BRINP1: variants seen among roughly 807,000 people sequenced by gnomAD.
The protein encoded by BRINP1 is BMP/retinoic acid inducible neural specific 1, also known as BMP/retinoic acid-inducible neural-specific protein 1.
BRINP1 carries 17 observed loss-of-function variants against 72.9 expected under a neutral mutation model. The ratio of observed to expected loss-of-function variants is 0.23; its 90% confidence interval spans 0.16 to 0.35. BRINP1 has a LOEUF of 0.35. Ranked by LOEUF, BRINP1 falls within the 10% of genes least tolerant of loss-of-function variation. BRINP1 has a pLI of 1.00. For missense variants in BRINP1, 850 were observed against 1,001.6 expected (o/e 0.85, Z 2.04); for synonymous variants, 418 against 378.5 (o/e 1.10, Z -1.21).
intron 1 of BRINP1, among the ~76,000 whole-genome samples, chr9:119,366,122 TTC>T (rs1831688254): frequency 6.6e-6 from 1 of 151,894 alleles, no homozygotes; most frequent in African/African-American, 2.4e-5. Flanking sequence ...GGTGTGGAGG[TTC>T]TCTTTTTTGG....
chr9:119,199,277 A>G (rs1161250123), intron 7 of BRINP1, among the ~76,000 whole-genome samples: 2 of 152,182 alleles, frequency 1.3e-5, no homozygotes, highest in Admixed American at 1.3e-4. Context: ...CCAGAGACAA[A>G]TAAGTACAGG....
chr9:119,302,624 C>G (rs1187638791), intron 2 of BRINP1, among the ~76,000 whole-genome samples: 1 of 152,058 alleles, frequency 6.6e-6, no homozygotes, highest in Non-Finnish European at 1.5e-5. Context: ...CATGACCTGA[C>G]CTCACTATTG....
intron 1 of BRINP1, among the ~76,000 whole-genome samples, chr9:119,349,244 C>T (rs1472780674): frequency 6.6e-6 from 1 of 152,090 alleles, no homozygotes. Flanking sequence ...ATGTGTGGTG[C>T]CTGGAGTCCT....
chr9:119,313,048 C>G (rs1307589311), intron 2 of BRINP1, 90 bp downstream of exon 2: 2 of 1,440,292 alleles, frequency 1.4e-6, no homozygotes, highest in African/African-American at 2.8e-5. Context: ...CCAGACACTT[C>G]TGCACACAGC....
At position 119,252,553 on chromosome 9, in the gene BRINP1, C is replaced by CGT. The variant is rs149734478; in HGVS notation, c.219-3405_219-3404dup. ...ATATAGAAAAATATATATAGTCATA[C>CGT]GTGTGTGTGTGTGTGTGTGTATCAC... On this transcript the variant is annotated intron_variant, in intron 2 of 7. Coordinates refer to ENST00000265922, the MANE Select transcript of BRINP1 (RefSeq NM_014618.3). Among the ~76,000 whole-genome samples, 583 of 145,656 alleles carry CGT rather than the reference C, an allele frequency of 4.0e-3. 4 individuals carry two copies. Among genetic ancestry groups the CGT allele is most frequent in the African/African-American group, 8.0e-3 (321 of 40,212 alleles).
intron 5 of BRINP1, among the ~76,000 whole-genome samples, chr9:119,220,002 G>T (rs576383093): frequency 6.6e-6 from 1 of 152,164 alleles, no homozygotes; most frequent in Non-Finnish European, 1.5e-5. Context: ...TCTGACTAAG[G>T]TTCGTCTTCT....
At chr9:119,345,728 T>C (rs1831443816) in intron 1 of BRINP1, among the ~76,000 whole-genome samples, 2 of 152,212 alleles carry the variant, frequency 1.3e-5, no homozygotes, top group Non-Finnish European at 2.9e-5. Context: ...CCAAGTCTTC[T>C]GAACCAAATC....
intron 2 of BRINP1, among the ~76,000 whole-genome samples, chr9:119,266,711 C>T (rs564997363): frequency 6.6e-6 from 1 of 152,146 alleles, no homozygotes; most frequent in Non-Finnish European, 1.5e-5. Flanking sequence ...TCTATGAATT[C>T]GATTGTTCTA....
chr9:119,349,774 G>A (rs1451542385), intron 1 of BRINP1, among the ~76,000 whole-genome samples: 1 of 152,160 alleles, frequency 6.6e-6, no homozygotes, highest in Non-Finnish European at 1.5e-5. Flanking sequence ...GGGGATCTGT[G>A]GAGGGGAAGT....
At chr9:119,318,421 C>T (rs928084422) in intron 1 of BRINP1, among the ~76,000 whole-genome samples, 2 of 152,106 alleles carry the variant, frequency 1.3e-5, no homozygotes, top group Admixed American at 6.6e-5. Flanking sequence ...TATCATGAGT[C>T]GCTACAAAAA....
intron 2 of BRINP1, among the ~76,000 whole-genome samples, chr9:119,278,888 A>C (rs1282830709): frequency 6.6e-6 from 1 of 152,218 alleles, no homozygotes; most frequent in Non-Finnish European, 1.5e-5. Flanking sequence ...CTCCATCTCA[A>C]AAACAGCAAC....
chr9:119,208,484 A>G (rs1227687775), intron 7 of BRINP1, among the ~76,000 whole-genome samples: 1 of 152,178 alleles, frequency 6.6e-6, no homozygotes, highest in Non-Finnish European at 1.5e-5. Flanking sequence ...AATCAGACAG[A>G]ACACAGAGGC....
chr9:119,304,860 C>T (rs1369178446), intron 2 of BRINP1, among the ~76,000 whole-genome samples: 1 of 152,182 alleles, frequency 6.6e-6, no homozygotes, highest in Non-Finnish European at 1.5e-5. Flanking sequence ...GTTTTCTAAC[C>T]CATCTCTCTT....
rs923127958 is a variant in BRINP1, at chr9:119,369,301, T to TCTCTCG, written c.-302_-297dup. 7 of 398,728 alleles carry TCTCTCG rather than the reference T, an allele frequency of 1.8e-5. No homozygotes were observed. Among genetic ancestry groups the TCTCTCG allele is most frequent in the Admixed American group, 4.4e-5 (1 of 22,724 alleles). The allele number at this position is 398,728 out of a possible 1,614,324, so 24.7% of individuals were successfully genotyped here. A position where few individuals can be genotyped will look rare whatever the true frequency, so the allele number is the denominator to read the frequency against. On this transcript the variant is annotated 5_prime_UTR_variant, in exon 1 of 8. Coordinates refer to ENST00000265922, the MANE Select transcript of BRINP1 (RefSeq NM_014618.3). Reference sequence around the variant, plus strand: ...GTCACTACTCCCTCTGCCTCCCGGCTCTCTCGCTCTCGCTCTCGCTGTTGC... The same window carrying TCTCTCG: ...GTCACTACTCCCTCTGCCTCCCGGCTCTCTCGCTCTCGCTCTCGCTCTCGCTGTTGC...
intron 5 of BRINP1, among the ~76,000 whole-genome samples, chr9:119,222,264 T>C (rs1284023705): frequency 6.6e-6 from 1 of 152,120 alleles, no homozygotes; most frequent in Non-Finnish European, 1.5e-5. Flanking sequence ...TCAGGAATTG[T>C]TTGTTAGCAC....
At chr9:119,262,175 C>A (rs1029281930) in intron 2 of BRINP1, among the ~76,000 whole-genome samples, 8 of 152,134 alleles carry the variant, frequency 5.3e-5, no homozygotes, top group African/African-American at 1.9e-4. Context: ...TATGTGCATG[C>A]CACATGTGGT....
At chr9:119,275,515 C>T (rs906756879) in intron 2 of BRINP1, among the ~76,000 whole-genome samples, 4 of 152,174 alleles carry the variant, frequency 2.6e-5, no homozygotes, top group African/African-American at 9.7e-5. Flanking sequence ...TCTAAGAAGA[C>T]AGCTGGGGAG....
At chr9:119,264,598 A>C (rs1264584583) in intron 2 of BRINP1, among the ~76,000 whole-genome samples, 1 of 152,232 alleles carries the variant, frequency 6.6e-6, no homozygotes, top group Non-Finnish European at 1.5e-5. Flanking sequence ...ATTCACAATT[A>C]GCATCACCCA....
intron 1 of BRINP1, among the ~76,000 whole-genome samples, chr9:119,364,343 T>A (rs955578386): frequency 1.6e-4 from 24 of 152,178 alleles, no homozygotes; most frequent in African/African-American, 5.6e-4. Context: ...TGTGCGGTAA[T>A]GAACTTGCTA....
Sources: allele counts gnomAD v4.1 joint callset (sites outside exome capture counted in the v4.1 genomes callset), GRCh38; gene constraint gnomAD v4.1.1; transcripts MANE v1.5; gene names NCBI Gene and HGNC (gene_info 2026-07-23, HGNC 2026-07-21).